Variants in RMST observed in about 807,000 individuals in gnomAD.
RMST encodes the protein rhabdomyosarcoma 2 associated transcript, also known as long intergenic non-protein coding RNA 54.
chr12:97,546,855 A>T (rs185580979), intron 11 of RMST, among the ~76,000 whole-genome samples: 1 of 152,064 alleles, frequency 6.6e-6, no homozygotes, highest in Non-Finnish European at 1.5e-5. Context: ...TCAGGCATAC[A>T]ATTAACTATA....
At chr12:97,518,449 A>G (rs1880163544) in intron 10 of RMST, among the ~76,000 whole-genome samples, 1 of 152,100 alleles carries the variant, frequency 6.6e-6, no homozygotes, top group African/African-American at 2.4e-5. Flanking sequence ...TTCTCCCAAA[A>G]TGCTTTAAAG....
At chr12:97,494,832 TAATAA>T (rs1218552196) in exon 9 of RMST, 3 of 152,172 alleles carry the variant, frequency 2.0e-5, no homozygotes, top group Non-Finnish European at 4.4e-5. Context: ...TCTGCATTAT[TAATAA>T]AATCACAGGG....
intron 5 of RMST, among the ~76,000 whole-genome samples, chr12:97,466,398 AT>A (rs1354422555): frequency 6.6e-6 from 1 of 152,114 alleles, no homozygotes; most frequent in Non-Finnish European, 1.5e-5. Flanking sequence ...TGAAGGTAAT[AT>A]TTTATATAAG....
intron 5 of RMST, among the ~76,000 whole-genome samples, chr12:97,466,502 G>A (rs1333516816): frequency 6.6e-6 from 1 of 152,078 alleles, no homozygotes. Context: ...TTAATATAAA[G>A]TGTCTTATAA....
At position 97,522,755 on chromosome 12, in the gene RMST, A is replaced by AGT. The variant is rs1338803115; in HGVS notation, n.1341-7890_1341-7889dup. On this transcript the variant is annotated intron_variant and non_coding_transcript_variant, in intron 10 of 13. Coordinates refer to ENST00000640149, the Ensembl canonical transcript of RMST. ...AATATATTTTATCAAATATATTTCA[A>AGT]GTGTGTGTGTGGTACTTGGTTGTAT... is the stretch of plus-strand genomic sequence containing the variant. Among the ~76,000 whole-genome samples, 3 of 152,270 alleles carry AGT rather than the reference A, an allele frequency of 2.0e-5. No individual in the cohort carries two copies. The South Asian group carries it at 6.2e-4, about 32-fold the overall frequency.
intron 11 of RMST, among the ~76,000 whole-genome samples, chr12:97,534,984 G>A (rs1361124083): frequency 6.6e-6 from 1 of 151,576 alleles, no homozygotes; most frequent in Non-Finnish European, 1.5e-5. Context: ...TCTGGACTAA[G>A]GAGAGATAGC....
At chr12:97,477,201 G>C (rs1565917680) in intron 5 of RMST, among the ~76,000 whole-genome samples, 1 of 152,190 alleles carries the variant, frequency 6.6e-6, no homozygotes, top group Admixed American at 6.5e-5. Flanking sequence ...CATGCGCTTT[G>C]AAGTTAGGAA....
At chr12:97,505,287 C>T (rs1327488762) in intron 10 of RMST, among the ~76,000 whole-genome samples, 1 of 152,214 alleles carries the variant, frequency 6.6e-6, no homozygotes, top group African/African-American at 2.4e-5. Context: ...AAGAAAGTCT[C>T]GGCAATCAGT....
At chr12:97,485,760 C>T (rs1593155909) in intron 5 of RMST, among the ~76,000 whole-genome samples, 3 of 152,182 alleles carry the variant, frequency 2.0e-5, no homozygotes, top group African/African-American at 4.8e-5. Flanking sequence ...TCCATCTGTC[C>T]AAGTCAAGAA....
At chr12:97,512,716 G>T (rs1171681695) in intron 10 of RMST, among the ~76,000 whole-genome samples, 1 of 152,244 alleles carries the variant, frequency 6.6e-6, no homozygotes, top group Non-Finnish European at 1.5e-5. Flanking sequence ...GAGCCCAGCG[G>T]GCTTTACCCA....
chr12:97,539,406 C>T (rs1307017320), intron 11 of RMST, among the ~76,000 whole-genome samples: 2 of 151,508 alleles, frequency 1.3e-5, no homozygotes, highest in Non-Finnish European at 3.0e-5. Flanking sequence ...TTCATAAAAT[C>T]GCCTAACCAT....
exon 14 of RMST, chr12:97,564,805 T>C: frequency 6.6e-6 from 1 of 152,216 alleles, no homozygotes; most frequent in East Asian, 1.9e-4. Context: ...GCTTCAAGAA[T>C]GTCTAGTTGC....
chr12:97,488,260 C>A (rs767319735), intron 5 of RMST, among the ~76,000 whole-genome samples: 7 of 152,134 alleles, frequency 4.6e-5, no homozygotes, highest in Non-Finnish European at 1.0e-4. Context: ...TGCCTGTGAT[C>A]CCAGCTACTC....
chr12:97,540,083 G>A (rs554612137), intron 11 of RMST, among the ~76,000 whole-genome samples: 43 of 151,768 alleles, frequency 2.8e-4, no homozygotes, highest in African/African-American at 8.9e-4. Flanking sequence ...ACTGCTTGGC[G>A]TATCCTGATT....
chr12:97,477,139 C>T (rs562602817), intron 5 of RMST, among the ~76,000 whole-genome samples: 1 of 152,196 alleles, frequency 6.6e-6, no homozygotes, highest in East Asian at 1.9e-4. Context: ...AAGAATATGG[C>T]AGACTAACGA....
chr12:97,477,600 T>C (rs1405611406), intron 5 of RMST, among the ~76,000 whole-genome samples: 1 of 152,068 alleles, frequency 6.6e-6, no homozygotes, highest in East Asian at 1.9e-4. Context: ...TAAAAACTGG[T>C]CATAGGTTTT....
At chr12:97,482,435 T>C (rs1237793731) in intron 5 of RMST, among the ~76,000 whole-genome samples, 1 of 152,060 alleles carries the variant, frequency 6.6e-6, no homozygotes, top group East Asian at 1.9e-4. Flanking sequence ...AGCTTCCCAT[T>C]ACTCCTCATT....
chr12:97,491,403 C>T (rs189131652), intron 5 of RMST, among the ~76,000 whole-genome samples: 8 of 152,266 alleles, frequency 5.3e-5, no homozygotes, highest in Admixed American at 3.3e-4. Flanking sequence ...TCACCAGAAT[C>T]GAATGCACCC....
exon 14 of RMST, chr12:97,564,330 T>C (rs11109108): frequency 0.54 from 89,712 of 165,712 alleles, 27,426 homozygotes; most frequent in Non-Finnish European, 0.7. Flanking sequence ...CCAAAAAAGG[T>C]ATACATTGGA....
Sources: allele counts gnomAD v4.1 joint callset (sites outside exome capture counted in the v4.1 genomes callset), GRCh38; gene constraint gnomAD v4.1.1; transcripts MANE v1.5; gene names NCBI Gene and HGNC (gene_info 2026-07-23, HGNC 2026-07-21).